The following C8orf34 variants were observed in gnomAD, a reference collection of about 807,000 sequenced individuals.
C8orf34 encodes uncharacterized protein C8orf34.
In C8orf34, 65 loss-of-function variants were observed where a neutral mutation model predicts 68.3. The observed-to-expected ratio is 0.95, with a 90% CI of 0.78 to 1.17. The LOEUF is 1.17. Ranked by LOEUF, C8orf34 falls within the 50% of genes most tolerant of loss-of-function variation. The pLI is 0.00. For synonymous variants in C8orf34, 244 were observed against 241.2 expected (o/e 1.01, Z -0.11); for missense variants, 664 against 655.4 (o/e 1.01, Z -0.14).
chr8:68,792,997 A>G (rs189705097), intron 12 of C8orf34, among the ~76,000 whole-genome samples: 1 of 152,242 alleles, frequency 6.6e-6, no homozygotes, highest in Admixed American at 6.5e-5. Flanking sequence ...AAACATACAT[A>G]TATATTATAA....
intron 3 of C8orf34, among the ~76,000 whole-genome samples, chr8:68,453,980 A>G (rs1113406): frequency 0.52 from 79,343 of 151,778 alleles, 20,911 homozygotes; most frequent in East Asian, 0.69. Flanking sequence ...TATTTTTATG[A>G]TGGAAGTGTG....
intron 9 of C8orf34, among the ~76,000 whole-genome samples, chr8:68,716,520 A>G (rs1332499445): frequency 3.3e-5 from 5 of 152,122 alleles, no homozygotes; most frequent in Non-Finnish European, 5.9e-5. Context: ...AAAGTCCAAC[A>G]AGCAGATGAA....
At chr8:68,516,368 T>C (rs1446729614) in intron 5 of C8orf34, among the ~76,000 whole-genome samples, 1 of 152,212 alleles carries the variant, frequency 6.6e-6, no homozygotes, top group Admixed American at 6.5e-5. Context: ...GTTTAAGATA[T>C]GATCTCAGCC....
chr8:68,650,180 A>G (rs1464760422), intron 8 of C8orf34, among the ~76,000 whole-genome samples: 8 of 152,136 alleles, frequency 5.3e-5, no homozygotes, highest in South Asian at 2.1e-4. Context: ...TTGAAGCAGC[A>G]TCGTTTGTCT....
chr8:68,373,094 C>T (rs1807632738), intron 1 of C8orf34, among the ~76,000 whole-genome samples: 1 of 152,166 alleles, frequency 6.6e-6, no homozygotes, highest in Admixed American at 6.5e-5. Context: ...CTCCTGCATT[C>T]AATCAATTCT....
intron 11 of C8orf34, among the ~76,000 whole-genome samples, 182 bp from the exon 12 acceptor site, chr8:68,787,261 A>G (rs1305682299): frequency 6.6e-6 from 1 of 152,188 alleles, no homozygotes; most frequent in Non-Finnish European, 1.5e-5. Context: ...AAATGAGTTC[A>G]GAGTTTGTAG....
intron 10 of C8orf34, among the ~76,000 whole-genome samples, chr8:68,750,483 A>C (rs952736780): frequency 6.6e-6 from 1 of 152,054 alleles, no homozygotes; most frequent in Non-Finnish European, 1.5e-5. Flanking sequence ...TATTTAATGG[A>C]TTTGAGGTTT....
At chr8:68,564,379 G>T (rs1386302329) in intron 7 of C8orf34, among the ~76,000 whole-genome samples, 1 of 152,148 alleles carries the variant, frequency 6.6e-6, no homozygotes, top group African/African-American at 2.4e-5. Flanking sequence ...TTCTAGTCAG[G>T]CCAACTTGGA....
intron 1 of C8orf34, 158 bp downstream of exon 1, chr8:68,331,497 C>G (rs1563624829): frequency 2.4e-6 from 2 of 829,924 alleles, no homozygotes; most frequent in African/African-American, 1.7e-5. Flanking sequence ...TTCGCTCTGT[C>G]CCGGCCAGGT....
chr8:68,577,189 AAAT>A (rs1428667982), intron 7 of C8orf34, among the ~76,000 whole-genome samples: 4 of 151,974 alleles, frequency 2.6e-5, no homozygotes, highest in African/African-American at 9.7e-5. Context: ...AATTGAGAAA[AAAT>A]AAGAAATACA....
chr8:68,676,446 C>A (rs139938848), intron 8 of C8orf34, among the ~76,000 whole-genome samples: 1 of 152,072 alleles, frequency 6.6e-6, no homozygotes, highest in African/African-American at 2.4e-5. Flanking sequence ...ATTTCAACAC[C>A]CTACTTTCAG....
chr8:68,348,046 T>C (rs1301722164), intron 1 of C8orf34, among the ~76,000 whole-genome samples: 3 of 152,118 alleles, frequency 2.0e-5, no homozygotes, highest in African/African-American at 7.2e-5. Context: ...CATTCCTGTG[T>C]CCACGGTGGT....
At chr8:68,337,259 GT>G (rs1805890720) in intron 1 of C8orf34, among the ~76,000 whole-genome samples, 1 of 152,156 alleles carries the variant, frequency 6.6e-6, no homozygotes, top group African/African-American at 2.4e-5. Flanking sequence ...CTTCGTTCAA[GT>G]GATGGGATAA....
chr8:68,454,712 A>AT (rs1217214046), intron 3 of C8orf34, among the ~76,000 whole-genome samples: 8 of 151,362 alleles, frequency 5.3e-5, no homozygotes, highest in African/African-American at 1.7e-4. Context: ...GGTTTTGCTG[A>AT]TTTTCTCTAT....
intron 5 of C8orf34, among the ~76,000 whole-genome samples, chr8:68,499,107 T>G (rs1192600938): frequency 2.0e-5 from 3 of 152,176 alleles, no homozygotes; most frequent in Non-Finnish European, 2.9e-5. Flanking sequence ...GTCCCCAGTA[T>G]CTGTTGTTCC....
At chr8:68,727,523 TG>T in intron 10 of C8orf34, among the ~76,000 whole-genome samples, 1 of 152,306 alleles carries the variant, frequency 6.6e-6, no homozygotes, top group Middle Eastern at 3.4e-3. Flanking sequence ...AGGGACTCTG[TG>T]TGGGGGCTCC....
At chr8:68,605,264 T>A (rs1447541807) in intron 7 of C8orf34, among the ~76,000 whole-genome samples, 1 of 152,134 alleles carries the variant, frequency 6.6e-6, no homozygotes, top group East Asian at 1.9e-4. Context: ...CTGGTAGGAA[T>A]GCGAAATAGT....
chr8:68,389,166 G>A (rs1028724114), intron 1 of C8orf34, among the ~76,000 whole-genome samples: 1 of 152,090 alleles, frequency 6.6e-6, no homozygotes, highest in Non-Finnish European at 1.5e-5. Context: ...ATAGAATAGT[G>A]AGCAAAATAT....
intron 1 of C8orf34, among the ~76,000 whole-genome samples, chr8:68,339,231 G>C (rs896421101): frequency 6.6e-6 from 1 of 151,700 alleles, no homozygotes; most frequent in African/African-American, 2.4e-5. Flanking sequence ...TTTAGTCTAC[G>C]TAGAAAATTA....
Sources: allele counts gnomAD v4.1 joint callset (sites outside exome capture counted in the v4.1 genomes callset), GRCh38; gene constraint gnomAD v4.1.1; transcripts MANE v1.5; gene names NCBI Gene and HGNC (gene_info 2026-07-23, HGNC 2026-07-21).